Variants in FCHO1 observed in about 807,000 individuals in gnomAD.
FCHO1 encodes the protein F-BAR domain only protein 1.
FCHO1 carries 45 observed loss-of-function variants against 114.4 expected under a neutral mutation model. That is an observed-to-expected ratio of 0.39 (90% CI 0.31 to 0.50). The LOEUF (loss-of-function observed/expected upper bound fraction) is 0.50, where lower values mean the gene tolerates loss of function less well. Among genes scored for constraint, FCHO1 ranks in the 20% least tolerant of loss-of-function variants. The probability of loss-of-function intolerance (pLI) is 0.77; values close to 1 mark genes in which losing one functional copy is unlikely to be tolerated. For synonymous variants in FCHO1, 480 were observed against 488.9 expected (o/e 0.98, Z 0.24); for missense variants, 1,042 against 1,209.6 (o/e 0.86, Z 2.06).
Position 17,776,563 on chromosome 19 carries a change from C to G in FCHO1, c.1208-72C>G, listed in dbSNP as rs2092658997. The G allele has an allele frequency of 6.4e-7, 1 of 1,562,192 alleles. No individual in the cohort carries two copies. Reference sequence around the variant, plus strand: ...TGGCTGGACACCCCCGAGCCTCGGTCCCTTGGTCTGTGGAGTGGGGAGCAT... The same window carrying G: ...TGGCTGGACACCCCCGAGCCTCGGTGCCTTGGTCTGTGGAGTGGGGAGCAT... On this transcript the variant is annotated intron_variant, in intron 17 of 28. Transcript: ENST00000596536. This position sits in a 1 kb window ranked among gnomAD's most constrained non-coding sequence, Gnocchi z 4.4.
intron 7 of FCHO1, 152 bp downstream of exon 7, chr19:17,766,962 C>A: frequency 1.1e-6 from 1 of 922,388 alleles, no homozygotes; most frequent in Non-Finnish European, 1.6e-6. Flanking sequence ...TCTTACGGAC[C>A]TGAGCGTTGT....
rs545544024 is a variant in FCHO1, at chr19:17,762,755, C to T, written c.28-7C>T. 3.1e-6 allele frequency: 5 copies of T among 1,606,728 alleles called. No homozygotes were observed. Among genetic ancestry groups the T allele is most frequent in the Non-Finnish European group, 4.3e-6 (5 of 1,173,242 alleles). On this transcript the variant is annotated splice_region_variant and splice_polypyrimidine_tract_variant and intron_variant, in intron 4 of 28. Coordinates refer to ENST00000596536, the MANE Select transcript of FCHO1 (RefSeq NM_015122.3). ...CCTTTCTCAATCTCTATTCCCATCC[C>T]CTGCAGGGCGAGAAAAATCATGGCT...
chr19:17,748,089 C>T (rs2080989549), upstream of FCHO1, among the ~76,000 whole-genome samples: 1 of 152,214 alleles, frequency 6.6e-6, no homozygotes, highest in African/African-American at 2.4e-5. Flanking sequence ...CGCGAGACCC[C>T]TCCCCAAATT....
chr19:17,776,520 C>T lies in FCHO1; in HGVS notation c.1208-115C>T, dbSNP rs1179440631. 2.4e-6 allele frequency: 3 copies of T among 1,233,334 alleles called. No individual in the cohort carries two copies. The Admixed American group carries it at 5.2e-5, about 22-fold the overall frequency. The allele number at this position is 1,233,334 out of a possible 1,614,324, so 76.4% of individuals were successfully genotyped here. A position where few individuals can be genotyped will look rare whatever the true frequency, so the allele number is the denominator to read the frequency against. Reference sequence around the variant, plus strand: ...CTTGAATCCATGTCTGCCTGATTTGCTGATCACCTTGGGCAACTGGCTGGA... The same window carrying T: ...CTTGAATCCATGTCTGCCTGATTTGTTGATCACCTTGGGCAACTGGCTGGA... On this transcript the variant is annotated intron_variant, in intron 17 of 28. Transcript: ENST00000596536. The surrounding 1 kb of genome is among the most constrained non-coding windows in gnomAD (Gnocchi z 4.4).
Position 17,781,507 on chromosome 19 carries a change from A to C in FCHO1, c.1796A>C (p.Glu599Ala), listed in dbSNP as rs1484903472. 1 of 1,613,882 alleles carries C rather than the reference A, an allele frequency of 6.2e-7. No individual in the cohort carries two copies. Among genetic ancestry groups the C allele is most frequent in the Admixed American group, 1.7e-5 (1 of 59,984 alleles). ...LGSSAASTALERPSFLSQTGH... is the reference protein window; with the variant it reads ...LGSSAASTALARPSFLSQTGH... ...TCTTCAGCCGCCAGCACTGCCTTGG[A>C]ACGGCCCAGCTTCTTATCCCAGACA... The change falls in exon 22 of 29, where the codon GAA becomes GCA. Residue 599 changes from glutamate (E) to alanine (A), a missense_variant. By Grantham distance (107) the Glu-to-Ala change is moderately radical (BLOSUM62 -1). Around this residue, in one of 3 missense-constraint regions of FCHO1, gnomAD observed 455 missense variants for 455.4 expected, o/e 1.00. Transcript: ENST00000596536.
At chr19:17,777,197 A>G (rs1192806996) in intron 18 of FCHO1, among the ~76,000 whole-genome samples, 1 of 152,150 alleles carries the variant, frequency 6.6e-6, no homozygotes, top group Non-Finnish European at 1.5e-5. Context: ...GTTCTGAGAC[A>G]GGTCTCCCTT....
In FCHO1 at chr19:17,762,835, C is replaced by T. The variant is rs201598105; in HGVS notation, c.101C>T (p.Ala34Val). 3.0e-5 allele frequency: 49 copies of T among 1,613,102 alleles called. No homozygotes were observed. The Admixed American group carries it at 5.0e-4, about 16-fold the overall frequency. The change falls in exon 5 of 29, where the codon GCG (alanine) becomes GTG (valine). Residue 34 changes from alanine (A) to valine (V), a missense_variant. Ala to Val is a moderately conservative substitution (Grantham distance 64, BLOSUM62 0). Coordinates refer to ENST00000596536, the MANE Select transcript of FCHO1 (RefSeq NM_015122.3). ...GGGCCCATCTCCACCAAGGAGCTGGCGGACTTCATCCGGGAGAGGTGAGGT... is the reference window on the plus strand; with the variant it reads ...GGGCCCATCTCCACCAAGGAGCTGGTGGACTTCATCCGGGAGAGGTGAGGT... ...KQGPISTKEL[A>V]DFIRERATIE...
intron 28 of FCHO1, among the ~76,000 whole-genome samples, 163 bp downstream of exon 28, chr19:17,788,009 G>A (rs1599826193): frequency 6.6e-6 from 1 of 152,090 alleles, no homozygotes; most frequent in East Asian, 1.9e-4. Context: ...CAAGGAGGCA[G>A]GGCCCTGTGT....
chr19:17,764,955 T>A (rs2088201632), intron 6 of FCHO1, among the ~76,000 whole-genome samples: 1 of 151,308 alleles, frequency 6.6e-6, no homozygotes, highest in Non-Finnish European at 1.5e-5. Flanking sequence ...TCCCAGCTAC[T>A]CAGGAGGCTG....
chr19:17,766,250 C>T (rs1356101773), intron 6 of FCHO1, among the ~76,000 whole-genome samples: 3 of 142,052 alleles, frequency 2.1e-5, no homozygotes, highest in African/African-American at 7.9e-5. Flanking sequence ...GATCTCGGCT[C>T]GCTGCAAGCT....
In FCHO1 at chr19:17,787,863, C is replaced by G; in HGVS notation, c.2647+17C>G. ...TTGCCACAGGTACTCCCCAACCCTGCTGCTGGGTGACCTCAGGAGCCGAGA... is the reference window on the plus strand; with the variant it reads ...TTGCCACAGGTACTCCCCAACCCTGGTGCTGGGTGACCTCAGGAGCCGAGA... On this transcript the variant is annotated intron_variant, in intron 28 of 28. Coordinates refer to ENST00000596536, the MANE Select transcript of FCHO1 (RefSeq NM_015122.3). 6.2e-7 allele frequency: 1 copy of G among 1,607,994 alleles called. No individual in the cohort carries two copies. The highest frequency in any genetic ancestry group is 8.5e-7 in the Non-Finnish European group (1 of 1,176,790).
At chr19:17,769,179 G>A (rs1335185234) in intron 7 of FCHO1, among the ~76,000 whole-genome samples, 1 of 150,230 alleles carries the variant, frequency 6.7e-6, no homozygotes, top group East Asian at 2.0e-4. Flanking sequence ...GGAGGCTGAG[G>A]CAGGAGAATC....
At chr19:17,769,839 C>CTT (rs11397360) in intron 7 of FCHO1, among the ~76,000 whole-genome samples, 2 of 151,618 alleles carry the variant, frequency 1.3e-5, no homozygotes, top group African/African-American at 2.4e-5. Context: ...GTAAATAGTA[C>CTT]TTTTTTTTAA....
chr19:17,769,826 T>G (rs1699994808), intron 7 of FCHO1, among the ~76,000 whole-genome samples: 1 of 148,086 alleles, frequency 6.8e-6, no homozygotes, highest in Admixed American at 7.0e-5. Flanking sequence ...ATATGAACCA[T>G]GTGTAAATAG....
rs1219209534 is a variant in FCHO1, at chr19:17,787,832, G to C, written c.2633G>C (p.Arg878Thr). ...GGTTACCGCATGTCGCTGGTGAAGA[G>C]GAGGTTTGCCACAGGTACTCCCCAA... ...GSGYRMSLVKRRFATGMYLVS... is the reference protein window; with the variant it reads ...GSGYRMSLVKTRFATGMYLVS... The change falls in exon 28 of 29, where the codon AGG becomes ACG. Residue 878 changes from arginine (R) to threonine (T), a missense_variant. Around this residue, in one of 3 missense-constraint regions of FCHO1, gnomAD observed 137 missense variants for 190.0 expected, o/e 0.72. Coordinates refer to ENST00000596536, the MANE Select transcript of FCHO1 (RefSeq NM_015122.3). 1 of 1,613,250 alleles carries C rather than the reference G, an allele frequency of 6.2e-7. No homozygotes were observed. Among genetic ancestry groups the C allele is most frequent in the East Asian group, 2.2e-5 (1 of 44,868 alleles).
rs549035386 is a variant in FCHO1 at position 17,765,941 on chromosome 19, T to C, written c.195-728T>C. Among the ~76,000 whole-genome samples the C allele has an allele frequency of 2.2e-3, 290 of 133,636 alleles. 1 individual carries two copies. The highest frequency in any genetic ancestry group is 0.013 in the Middle Eastern group (3 of 240). 87.7% of individuals were successfully genotyped at this position (133,636 alleles called of 152,430 possible). A position where few individuals can be genotyped will look rare whatever the true frequency, so the allele number is the denominator to read the frequency against. On this transcript the variant is annotated intron_variant, in intron 6 of 28. Transcript: ENST00000596536. ...TCTCACTCTGTCGCCCAGGCTGGAGTGCAGTGGCGCGATCTTGGCTCACTG... is the reference window on the plus strand; with the variant it reads ...TCTCACTCTGTCGCCCAGGCTGGAGCGCAGTGGCGCGATCTTGGCTCACTG...
At chr19:17,786,968 A>T (rs1399298453) in intron 27 of FCHO1, among the ~76,000 whole-genome samples, 1 of 151,884 alleles carries the variant, frequency 6.6e-6, no homozygotes, top group African/African-American at 2.4e-5. Flanking sequence ...TCACGCCTGT[A>T]ATCCCAGCAC....
intron 4 of FCHO1, among the ~76,000 whole-genome samples, chr19:17,757,302 C>T (rs909274305): frequency 4.6e-5 from 7 of 152,134 alleles, no homozygotes; most frequent in Non-Finnish European, 8.8e-5. Context: ...CCTCGGCTGC[C>T]AGCCCAGTCC....
At chr19:17,786,653 GCTGGGT>G in intron 27 of FCHO1, 24 bp downstream of exon 27, 2 of 1,597,600 alleles carry the variant, frequency 1.3e-6, no homozygotes, top group South Asian at 1.1e-5. Context: ...GTGTATGAGG[GCTGGGT>G]GGGAGGGACT....
Sources: gnomAD v4.1 joint callset for allele counts (sites outside exome capture counted in the v4.1 genomes callset) on GRCh38, gnomAD v4.1.1 for gene constraint, gnomAD v4.1.1 regional missense constraint, Gnocchi (gnomAD v3.1) non-coding constraint, MANE v1.5 for transcripts, NCBI Gene and HGNC (gene_info 2026-07-23, HGNC 2026-07-21) for gene names.